The following OTUD7A variants were observed in gnomAD, a reference collection of about 807,000 sequenced individuals.
The protein encoded by OTUD7A is OTU domain-containing protein 7A.
OTUD7A carries 12 observed loss-of-function variants against 65.7 expected under a neutral mutation model. The ratio of observed to expected loss-of-function variants is 0.18; its 90% CI spans 0.12 to 0.30. The LOEUF is 0.30. OTUD7A is among the 10% of genes least tolerant of loss of function. The pLI is 1.00. For missense variants in OTUD7A, 1,148 were observed against 1,304.8 expected, an observed-to-expected ratio of 0.88 and a Z score of 1.85; for synonymous variants, 641 against 586.3, an observed-to-expected ratio of 1.09 and a Z score of -1.35.
intron 1 of OTUD7A, among the ~76,000 whole-genome samples, chr15:31,701,836 AC>A (rs1046804637): frequency 2.6e-5 from 4 of 152,146 alleles, no homozygotes; most frequent in African/African-American, 4.8e-5. Flanking sequence ...AACCAGACAA[AC>A]CCAATGTAAA....
At chr15:31,577,819 T>TAAA (rs36055987) in intron 3 of OTUD7A, among the ~76,000 whole-genome samples, 9 of 141,208 alleles carry the variant, frequency 6.4e-5, no homozygotes, top group African/African-American at 1.0e-4. Context: ...TTGATTCCAG[T>TAAA]AAAAAAAAAA....
intron 1 of OTUD7A, among the ~76,000 whole-genome samples, chr15:31,726,786 T>C (rs1289048498): frequency 2.0e-5 from 3 of 152,244 alleles, no homozygotes; most frequent in African/African-American, 7.2e-5. Flanking sequence ...GAAGTGACGA[T>C]GGCATTGCCA....
At chr15:31,535,684 T>G (rs1031469467) in intron 5 of OTUD7A, among the ~76,000 whole-genome samples, 9 of 147,640 alleles carry the variant, frequency 6.1e-5, no homozygotes, top group African/African-American at 1.0e-4. Context: ...GTTTTTTTTT[T>G]TTTTTTTTTT....
At chr15:31,804,947 A>G (rs1896230211) in intron 1 of OTUD7A, among the ~76,000 whole-genome samples, 1 of 152,230 alleles carries the variant, frequency 6.6e-6, no homozygotes, top group African/African-American at 2.4e-5. Context: ...ACAGCACATA[A>G]TAACATCATA....
chr15:31,774,018 T>G (rs896099036), intron 1 of OTUD7A, among the ~76,000 whole-genome samples: 2 of 152,106 alleles, frequency 1.3e-5, no homozygotes, highest in East Asian at 3.9e-4. Flanking sequence ...AATGGCACAG[T>G]GGGTAAAAAG....
chr15:31,549,099 G>GCA (rs372260280), intron 5 of OTUD7A, among the ~76,000 whole-genome samples: 373 of 146,062 alleles, frequency 2.6e-3, no homozygotes, highest in African/African-American at 8.9e-3. Flanking sequence ...TCGTGCCACT[G>GCA]CACTCCAGCC....
At chr15:31,574,037 G>C (rs1461455184) in intron 3 of OTUD7A, among the ~76,000 whole-genome samples, 1 of 152,182 alleles carries the variant, frequency 6.6e-6, no homozygotes, top group Non-Finnish European at 1.5e-5. Context: ...TGGTAGAAGA[G>C]AGAGGGGAGA....
intron 1 of OTUD7A, among the ~76,000 whole-genome samples, chr15:31,751,447 A>T (rs951878431): frequency 8.5e-5 from 13 of 152,328 alleles, no homozygotes; most frequent in African/African-American, 3.1e-4. Flanking sequence ...AAAAGGGAAC[A>T]CTTACACACT....
intron 1 of OTUD7A, among the ~76,000 whole-genome samples, chr15:31,666,912 T>C (rs1382066933): frequency 6.6e-6 from 1 of 152,224 alleles, no homozygotes; most frequent in Non-Finnish European, 1.5e-5. Flanking sequence ...GAACAGGTTA[T>C]TTAATTCCCA....
At chr15:31,821,106 G>A (rs1041677720) in intron 1 of OTUD7A, among the ~76,000 whole-genome samples, 5 of 145,472 alleles carry the variant, frequency 3.4e-5, no homozygotes, top group Admixed American at 6.8e-5. Flanking sequence ...AGGGTCAATC[G>A]TTGTGGCATA....
At chr15:31,765,835 C>G in intron 1 of OTUD7A, 1 of 1,321,598 alleles carries the variant, frequency 7.6e-7, no homozygotes. Flanking sequence ...GCTTCACTCT[C>G]CATGGTTGGA....
At chr15:31,605,807 CT>C (rs1203560831) in intron 3 of OTUD7A, among the ~76,000 whole-genome samples, 1 of 152,212 alleles carries the variant, frequency 6.6e-6, no homozygotes, top group East Asian at 1.9e-4. Context: ...CTCTCTACTC[CT>C]GAGCAGACTC....
At chr15:31,711,392 A>G (rs1412992870) in intron 1 of OTUD7A, among the ~76,000 whole-genome samples, 3 of 151,872 alleles carry the variant, frequency 2.0e-5, no homozygotes, top group Admixed American at 6.5e-5. Context: ...TTACACTTCC[A>G]TAACTGGAAG....
intron 3 of OTUD7A, among the ~76,000 whole-genome samples, chr15:31,593,130 A>C (rs1466368888): frequency 6.6e-6 from 1 of 151,878 alleles, no homozygotes; most frequent in Non-Finnish European, 1.5e-5. Context: ...ATTTATTTGC[A>C]GCATCCCTGC....
intron 1 of OTUD7A, among the ~76,000 whole-genome samples, chr15:31,718,507 C>T (rs1481088626): frequency 6.6e-6 from 1 of 151,322 alleles, no homozygotes; most frequent in Non-Finnish European, 1.5e-5. Context: ...TAAATAATCA[C>T]CTGTTACTAT....
chr15:31,639,991 A>T (rs1595677668), intron 3 of OTUD7A, among the ~76,000 whole-genome samples: 1 of 152,232 alleles, frequency 6.6e-6, no homozygotes, highest in Non-Finnish European at 1.5e-5. Flanking sequence ...CACTATCCTC[A>T]AAAAGCAGTT....
chr15:31,483,529 T>A lies in OTUD7A; in HGVS notation c.2567A>T (p.Gln856Leu), dbSNP rs992534164. 4 of 1,375,958 alleles carry A rather than the reference T, an allele frequency of 2.9e-6. No individual in the cohort carries two copies. The African/African-American group carries it at 6.2e-5, about 21-fold the overall frequency. The allele number at this position is 1,375,958 out of a possible 1,614,324, so 85.2% of individuals were successfully genotyped here. The change falls in exon 13 of 13, where the codon CAG becomes CTG. Residue 856 changes from glutamine (Q) to leucine (L), a missense_variant. This residue lies in a region of OTUD7A where 842 missense variants were observed against 769.5 expected (regional missense o/e 1.09). Transcript: ENST00000307050. ...GGCGCCGAAGCCGTTGGTGTAGGTC[T>A]GCGACTTGTGCTCGGCCGCCCCCGC... ...GTAGAAEHKS[Q>L]TYTNGFGALR... is the part of the protein sequence containing the mutation.
At chr15:31,869,799 A>G (rs1014088818) in intron 1 of OTUD7A, among the ~76,000 whole-genome samples, 7 of 152,222 alleles carry the variant, frequency 4.6e-5, no homozygotes, top group Non-Finnish European at 7.3e-5. Flanking sequence ...GTTGTGTCCA[A>G]TGAAGGAAAG....
intron 5 of OTUD7A, chr15:31,557,192 C>T (rs1888525113): frequency 1.3e-5 from 2 of 152,388 alleles, no homozygotes; most frequent in South Asian, 2.1e-4. Context: ...AGGCACATCT[C>T]GTCCTTTGTC....
Sources: allele counts gnomAD v4.1 joint callset (sites outside exome capture counted in the v4.1 genomes callset), GRCh38; gene constraint gnomAD v4.1.1; regional missense constraint gnomAD v4.1.1; transcripts MANE v1.5; gene names NCBI Gene and HGNC (gene_info 2026-07-23, HGNC 2026-07-21).